NAA25: variants seen among roughly 807,000 people sequenced by gnomAD.
NAA25 encodes the protein N-terminal acetyltransferase B complex subunit NAA25.
In NAA25, 30 loss-of-function variants were observed where a neutral mutation model predicts 132.5. That is an observed-to-expected ratio of 0.23 (90% CI 0.17 to 0.31). NAA25 has a LOEUF of 0.31. NAA25 is among the 10% of genes least tolerant of loss of function. NAA25 has a pLI of 1.00. For synonymous variants in NAA25, 359 were observed against 401.9 expected (o/e 0.89, Z 1.28); for missense variants, 771 against 1,150.4 (o/e 0.67, Z 4.77).
chr12:112,052,717 CAAG>C (rs1325530701), intron 15 of NAA25, among the ~76,000 whole-genome samples: 8 of 152,124 alleles, frequency 5.3e-5, no homozygotes, highest in Admixed American at 2.0e-4. Flanking sequence ...GAGTGTTTGC[CAAG>C]AAGAACCCCA....
intron 8 of NAA25, 113 bp downstream of exon 8, chr12:112,075,565 C>CTA: frequency 1.4e-5 from 11 of 792,192 alleles, no homozygotes; most frequent in Non-Finnish European, 2.2e-5. Flanking sequence ...GACACAACTA[C>CTA]TATAAGAAGA....
intron 20 of NAA25, among the ~76,000 whole-genome samples, chr12:112,041,700 G>C (rs946716958): frequency 1.3e-5 from 2 of 151,858 alleles, no homozygotes; most frequent in African/African-American, 4.8e-5. Context: ...CACCAATTGC[G>C]ATAACATAAA....
chr12:112,039,325 G>A lies in NAA25; in HGVS notation c.2553C>T (p.Ile851=). The A allele has an allele frequency of 1.9e-6, 3 of 1,604,932 alleles. No homozygotes were observed. Among genetic ancestry groups the A allele is most frequent in the Non-Finnish European group, 2.6e-6 (3 of 1,174,310 alleles). ...LVFFVETISV[I]LWVSSYCESV... ...TCTCACAGTAACTGGATACCCAAAG[G>A]ATAACAGAAATAGTCTGAAAGGAAA... Residue 851 remains isoleucine (I), a synonymous_variant, in exon 22 of 24, where the codon ATC becomes ATT. Transcript: ENST00000261745.
At chr12:112,032,574 G>A (rs2078164260) in intron 23 of NAA25, among the ~76,000 whole-genome samples, 1 of 152,140 alleles carries the variant, frequency 6.6e-6, no homozygotes, top group South Asian at 2.1e-4. Flanking sequence ...GGACCAACAG[G>A]CTAGAAACAG....
At chr12:112,096,814 T>C (rs1362077385) in intron 1 of NAA25, among the ~76,000 whole-genome samples, 3 of 152,216 alleles carry the variant, frequency 2.0e-5, no homozygotes, top group African/African-American at 4.8e-5. Context: ...TTCTAAGTCA[T>C]TGCTGACTCA....
chr12:112,053,610 G>T lies in NAA25; in HGVS notation c.1676C>A (p.Ala559Glu). The T allele has an allele frequency of 6.2e-7, 1 of 1,608,738 alleles. No homozygotes were observed. The highest frequency in any genetic ancestry group is 8.5e-7 in the Non-Finnish European group (1 of 1,177,184). The change falls in exon 15 of 24, where the codon GCG becomes GAG. Residue 559 changes from alanine (A) to glutamate (E), a missense_variant. Around this residue, in one of 3 missense-constraint regions of NAA25, gnomAD observed 417 missense variants for 733.8 expected, o/e 0.57. Coordinates refer to ENST00000261745, the MANE Select transcript of NAA25 (RefSeq NM_024953.4). ...GAGTGCGAAGTTACAGGATTGGGAC[G>T]CAGCAGCATACTGACCTAGAGATTC... ...YAESLGQYAA[A>E]SQSCNFALRF...
chr12:112,091,669 A>G (rs2079132763), intron 2 of NAA25, among the ~76,000 whole-genome samples: 1 of 151,854 alleles, frequency 6.6e-6, no homozygotes, highest in African/African-American at 2.4e-5. Flanking sequence ...ACTGCAGTCC[A>G]GCCTAGGCAA....
intron 8 of NAA25, among the ~76,000 whole-genome samples, chr12:112,075,062 G>A (rs1359787041): frequency 6.6e-6 from 1 of 152,128 alleles, no homozygotes; most frequent in Non-Finnish European, 1.5e-5. Context: ...AGAGGGAAGG[G>A]GAGAGAAGTG....
intron 15 of NAA25, among the ~76,000 whole-genome samples, chr12:112,050,876 T>C (rs1237683845): frequency 6.6e-6 from 1 of 152,100 alleles, no homozygotes; most frequent in Non-Finnish European, 1.5e-5. Flanking sequence ...CAACTTTCAA[T>C]CCCATAGCAC....
chr12:112,068,818 T>G, intron 11 of NAA25, 62 bp downstream of exon 11: 2 of 896,220 alleles, frequency 2.2e-6, no homozygotes, highest in Non-Finnish European at 3.5e-6. Flanking sequence ...ACCCAAACAT[T>G]TAACCTCTGT....
chr12:112,046,979 T>C (rs1228700489), intron 17 of NAA25, among the ~76,000 whole-genome samples: 1 of 152,184 alleles, frequency 6.6e-6, no homozygotes, highest in Admixed American at 6.5e-5. Flanking sequence ...TTAAAAATAT[T>C]TTCTATATTT....
rs76808707 is a variant in NAA25, at chr12:112,030,944, A to ATT, written c.2797-1293_2797-1292dup. On this transcript the variant is annotated intron_variant, in intron 23 of 23. Coordinates refer to ENST00000261745, the MANE Select transcript of NAA25 (RefSeq NM_024953.4). ...TCTTGAATATAAAACTGAATTTAAA[A>ATT]TTTTTTTTTTTTTTTAAAAGAGGCA... Among the ~76,000 whole-genome samples, 110 of 147,068 alleles carry ATT rather than the reference A, an allele frequency of 7.5e-4. 1 individual carries two copies. The highest frequency in any genetic ancestry group is 4.3e-3 in the Admixed American group (64 of 14,770).
intron 7 of NAA25, among the ~76,000 whole-genome samples, chr12:112,076,033 C>A (rs1160199195): frequency 1.3e-5 from 2 of 152,150 alleles, no homozygotes; most frequent in African/African-American, 2.4e-5. Context: ...CAGGCATCTG[C>A]CACCACGCCT....
chr12:112,037,294 AT>A (rs1438732766), intron 22 of NAA25, among the ~76,000 whole-genome samples: 2 of 104,002 alleles, frequency 1.9e-5, no homozygotes, highest in Non-Finnish European at 3.9e-5. Context: ...ATATATATAT[AT>A]ATATATATAT....
Position 112,042,025 on chromosome 12 carries a change from G to C in NAA25, c.2440+14C>G. ...CCAGATACAAATACAGGAATCTACAGTAGGAAAACTTACCTTTTAACTGGT... is the reference window on the plus strand; with the variant it reads ...CCAGATACAAATACAGGAATCTACACTAGGAAAACTTACCTTTTAACTGGT... On this transcript the variant is annotated intron_variant, in intron 20 of 23. Transcript: ENST00000261745. 7.0e-7 allele frequency: 1 copy of C among 1,424,960 alleles called. No individual in the cohort carries two copies. The highest frequency in any genetic ancestry group is 9.4e-7 in the Non-Finnish European group (1 of 1,062,838). 88.3% of individuals were successfully genotyped at this position (1,424,960 alleles called of 1,614,324 possible).
In NAA25 at chr12:112,026,807, T is replaced by A. The variant is rs1438172400; in HGVS notation, c.*2724A>T. Reference sequence around the variant, plus strand: ...TCCTATATTAATAAATCACATCAAATAAGTAGGAAGTTTCAATAACAAGCC... The same window carrying A: ...TCCTATATTAATAAATCACATCAAAAAAGTAGGAAGTTTCAATAACAAGCC... On this transcript the variant is annotated 3_prime_UTR_variant, in exon 24 of 24. Transcript: ENST00000261745. The A allele has an allele frequency of 6.6e-6, 1 of 152,194 alleles. No homozygotes were observed. Among genetic ancestry groups the A allele is most frequent in the Non-Finnish European group, 1.5e-5 (1 of 68,028 alleles). 9.4% of individuals were successfully genotyped at this position (152,194 alleles called of 1,614,324 possible).
intron 17 of NAA25, 28 bp from the exon 18 acceptor site, chr12:112,043,896 T>C: frequency 6.3e-7 from 1 of 1,595,154 alleles, no homozygotes; most frequent in Admixed American, 1.7e-5. Flanking sequence ...CCAAATTATC[T>C]AACTTATTCA....
chr12:112,035,857 A>G (rs868273267), intron 22 of NAA25, among the ~76,000 whole-genome samples: 1 of 151,498 alleles, frequency 6.6e-6, no homozygotes, highest in African/African-American at 2.4e-5. Context: ...AATTTTTAAA[A>G]ATTTTTTTGT....
intron 1 of NAA25, among the ~76,000 whole-genome samples, chr12:112,103,168 G>A (rs2079318753): frequency 7.2e-5 from 11 of 152,068 alleles, no homozygotes. Flanking sequence ...TGTATTTTTA[G>A]TAGAGATGGG....
Sources: allele counts gnomAD v4.1 joint callset (sites outside exome capture counted in the v4.1 genomes callset), GRCh38; gene constraint gnomAD v4.1.1; regional missense constraint gnomAD v4.1.1; transcripts MANE v1.5; gene names NCBI Gene and HGNC (gene_info 2026-07-23, HGNC 2026-07-21).